Variants in STRBP observed in about 807,000 individuals in gnomAD.
STRBP encodes spermatid perinuclear RNA binding protein, also known as spermatid perinuclear RNA-binding protein.
In STRBP, 13 loss-of-function variants were observed where a neutral mutation model predicts 80.1. The ratio of observed to expected loss-of-function variants is 0.16; its 90% confidence interval spans 0.11 to 0.26. The LOEUF (loss-of-function observed/expected upper bound fraction) is 0.26. Ranked by LOEUF, STRBP falls within the 10% of genes least tolerant of loss-of-function variation. The pLI is 1.00. For missense variants in STRBP, 485 were observed against 815.2 expected, an observed-to-expected ratio of 0.59 and a Z score of 4.93; for synonymous variants, 284 against 291.2, an observed-to-expected ratio of 0.98 and a Z score of 0.25.
intron 2 of STRBP, among the ~76,000 whole-genome samples, chr9:123,187,537 A>C (rs1564279982): frequency 6.6e-6 from 1 of 152,236 alleles, no homozygotes; most frequent in Non-Finnish European, 1.5e-5. Flanking sequence ...CATCAGATGT[A>C]TGTAAATTTC....
chr9:123,257,791 T>G (rs966647759), intron 1 of STRBP, among the ~76,000 whole-genome samples: 1 of 152,066 alleles, frequency 6.6e-6, no homozygotes, highest in African/African-American at 2.4e-5. Context: ...CACTCCAGCC[T>G]GGGCAACAGA....
intron 8 of STRBP, among the ~76,000 whole-genome samples, chr9:123,160,018 G>A (rs986378278): frequency 1.3e-5 from 2 of 152,136 alleles, no homozygotes; most frequent in Non-Finnish European, 2.9e-5. Context: ...AAAGAGAAGT[G>A]GGTCAGCCAA....
chr9:123,166,356 C>G (rs976041466), intron 6 of STRBP, among the ~76,000 whole-genome samples: 1 of 152,168 alleles, frequency 6.6e-6, no homozygotes, highest in Non-Finnish European at 1.5e-5. Context: ...TTGTACAAGT[C>G]ACATTACATA....
Position 123,136,404 on chromosome 9 carries a change from G to A in STRBP, c.1609C>T (p.His537Tyr), listed in dbSNP as rs1421930570. ...ACCTCCATTACAAAGCGCTTGTCAT[G>A]GCTTCCACCAGTCTCTGAGATGAGT... The part of the protein sequence containing the change: ...YELISETGGS[H>Y]DKRFVMEVEV... The change falls in exon 15 of 19, where the codon CAT becomes TAT. Residue 537 changes from histidine (H) to tyrosine (Y), a missense_variant. Physicochemically the swap from His to Tyr is moderately conservative, Grantham distance 83. Coordinates refer to ENST00000348403, the MANE Select transcript of STRBP (RefSeq NM_018387.5). The surrounding 1 kb of genome is among the most constrained non-coding windows in gnomAD (Gnocchi z 4.2). 1.5e-5 allele frequency: 24 copies of A among 1,614,040 alleles called. No homozygotes were observed. The highest frequency in any genetic ancestry group is 2.0e-5 in the Non-Finnish European group (24 of 1,180,008).
At chr9:123,247,804 A>G (rs1029719946) in intron 1 of STRBP, among the ~76,000 whole-genome samples, 5 of 152,228 alleles carry the variant, frequency 3.3e-5, no homozygotes, top group African/African-American at 1.2e-4. Flanking sequence ...GAATCTCCAC[A>G]CGGATGGAGA....
At chr9:123,223,080 T>C (rs1291987642) in intron 2 of STRBP, among the ~76,000 whole-genome samples, 3 of 151,842 alleles carry the variant, frequency 2.0e-5, no homozygotes, top group South Asian at 2.1e-4. Flanking sequence ...GATAGATAGA[T>C]AGATAGATAG....
Position 123,184,148 on chromosome 9 carries a change from AT to A in STRBP, c.-15del. ...ATAACCTACCATGGTTTTCTATAGT[AT>A]TTTAGCTTCTTTTTCCGATCCTTTC... On this transcript the variant is annotated 5_prime_UTR_variant, in exon 3 of 19. Transcript: ENST00000348403. 6.2e-7 allele frequency: 1 copy of A among 1,609,280 alleles called. No individual in the cohort carries two copies. Among genetic ancestry groups the A allele is most frequent in the South Asian group, 1.1e-5 (1 of 90,318 alleles).
intron 13 of STRBP, 87 bp downstream of exon 13, chr9:123,146,768 T>A: frequency 8.4e-7 from 1 of 1,185,458 alleles, no homozygotes; most frequent in Non-Finnish European, 1.1e-6. Context: ...AAAATGTTTT[T>A]AAAAATGATA....
intron 3 of STRBP, 47 bp downstream of exon 3, chr9:123,184,085 C>T: frequency 6.4e-7 from 1 of 1,566,490 alleles, no homozygotes; most frequent in Non-Finnish European, 8.7e-7. Flanking sequence ...TTTTAAATTA[C>T]TGGAGTCTTT....
chr9:123,204,586 C>T (rs1312260951), intron 2 of STRBP, among the ~76,000 whole-genome samples: 1 of 151,972 alleles, frequency 6.6e-6, no homozygotes, highest in African/African-American at 2.4e-5. Flanking sequence ...ACAATTCTGA[C>T]TAAAAGGAAA....
At chr9:123,214,305 C>A (rs1195677844) in intron 2 of STRBP, among the ~76,000 whole-genome samples, 1 of 152,050 alleles carries the variant, frequency 6.6e-6, no homozygotes, top group African/African-American at 2.4e-5. Context: ...ATCGTATGTT[C>A]TCACTAATAA....
chr9:123,184,356 T>C (rs561568338), intron 2 of STRBP, 58 bp from the exon 3 acceptor site: 2 of 418,954 alleles, frequency 4.8e-6, no homozygotes, highest in East Asian at 7.2e-5. Context: ...GCTTCCAATA[T>C]GAGTGTGCAA....
chr9:123,185,992 A>C (rs1222269207), intron 2 of STRBP, among the ~76,000 whole-genome samples: 2 of 146,538 alleles, frequency 1.4e-5, no homozygotes, highest in Admixed American at 7.1e-5. Flanking sequence ...AGATCACGCC[A>C]CTACACTCCA....
intron 2 of STRBP, among the ~76,000 whole-genome samples, chr9:123,217,166 T>C (rs989203564): frequency 3.3e-5 from 5 of 152,094 alleles, no homozygotes; most frequent in African/African-American, 1.2e-4. Context: ...ACCTCAAGAA[T>C]CAAAGCTGCC....
intron 1 of STRBP, among the ~76,000 whole-genome samples, chr9:123,245,622 C>T (rs986769309): frequency 1.3e-5 from 2 of 152,160 alleles, no homozygotes; most frequent in South Asian, 4.1e-4. Context: ...AACTCGTGAT[C>T]CGCCCTCCTC....
chr9:123,160,597 G>T, intron 7 of STRBP, 135 bp from the exon 8 acceptor site: 1 of 528,878 alleles, frequency 1.9e-6, no homozygotes, highest in Non-Finnish European at 3.0e-6. Context: ...TTAATCACAA[G>T]TAGTAAAATT....
At chr9:123,214,714 C>T (rs768965111) in intron 2 of STRBP, among the ~76,000 whole-genome samples, 1 of 152,088 alleles carries the variant, frequency 6.6e-6, no homozygotes, top group Non-Finnish European at 1.5e-5. Context: ...GTTCTCAAAA[C>T]AAGTTTTATT....
At chr9:123,231,316 C>T (rs1259109986) in intron 2 of STRBP, among the ~76,000 whole-genome samples, 1 of 152,204 alleles carries the variant, frequency 6.6e-6, no homozygotes, top group Non-Finnish European at 1.5e-5. Flanking sequence ...GGAGGGTTGA[C>T]TCCAAATATA....
At chr9:123,261,541 C>A (rs1202163678) in intron 1 of STRBP, among the ~76,000 whole-genome samples, 1 of 152,144 alleles carries the variant, frequency 6.6e-6, no homozygotes, top group Admixed American at 6.6e-5. Context: ...ATAATACTGA[C>A]CAACTTCAAA....
Sources: allele counts gnomAD v4.1 joint callset (sites outside exome capture counted in the v4.1 genomes callset), GRCh38; gene constraint gnomAD v4.1.1; non-coding constraint Gnocchi (gnomAD v3.1); transcripts MANE v1.5; gene names NCBI Gene and HGNC (gene_info 2026-07-23, HGNC 2026-07-21).